CTTNBP2NL: variants seen among roughly 807,000 people sequenced by gnomAD.
CTTNBP2NL encodes the protein CTTNBP2 N-terminal like, also known as CTTNBP2 N-terminal-like protein.
A neutral mutation model predicts 32.5 loss-of-function variants in CTTNBP2NL; 16 were observed. The ratio of observed to expected loss-of-function variants is 0.49; its 90% confidence interval spans 0.33 to 0.75. CTTNBP2NL has a LOEUF of 0.75. CTTNBP2NL is among the 30% of genes least tolerant of loss of function. The pLI is 0.02. For missense variants in CTTNBP2NL, 645 were observed against 756.0 expected (o/e 0.85, Z 1.72); for synonymous variants, 298 against 289.4 (o/e 1.03, Z -0.30).
chr1:112,442,645 C>A (rs530371208), intron 3 of CTTNBP2NL, among the ~76,000 whole-genome samples: 1 of 152,014 alleles, frequency 6.6e-6, no homozygotes, highest in East Asian at 1.9e-4. Context: ...TTTCACAGGA[C>A]TCTGGAATTT....
chr1:112,414,136 TG>T (rs1171705905), intron 2 of CTTNBP2NL, among the ~76,000 whole-genome samples: 1 of 150,470 alleles, frequency 6.6e-6, no homozygotes, highest in Non-Finnish European at 1.5e-5. Flanking sequence ...GAGACTGAGG[TG>T]GGCGGATCAC....
In CTTNBP2NL at chr1:112,460,315, T is replaced by C. The variant is rs1650513644; in HGVS notation, c.*2903T>C. 1 of 152,172 alleles carries C rather than the reference T, an allele frequency of 6.6e-6. No individual in the cohort carries two copies. Among genetic ancestry groups the C allele is most frequent in the Non-Finnish European group, 1.5e-5 (1 of 68,022 alleles). The allele number at this position is 152,172 out of a possible 1,614,324, so 9.4% of individuals were successfully genotyped here. A position where few individuals can be genotyped will look rare whatever the true frequency, so the allele number is the denominator to read the frequency against. ...ATTTTGTTGGGAAGAGGGGGTGGTG[T>C]AGAGGGAGCACTTGACTGTGGCTTT... is the stretch of plus-strand genomic sequence containing the variant. On this transcript the variant is annotated 3_prime_UTR_variant, in exon 6 of 6. Coordinates refer to ENST00000271277, the MANE Select transcript of CTTNBP2NL (RefSeq NM_018704.3).
At chr1:112,417,588 A>G (rs1649103025) in intron 3 of CTTNBP2NL, among the ~76,000 whole-genome samples, 1 of 152,220 alleles carries the variant, frequency 6.6e-6, no homozygotes, top group Non-Finnish European at 1.5e-5. Context: ...ATAAGATACC[A>G]TTCAGAATCA....
At chr1:112,420,516 G>T (rs546152012) in intron 3 of CTTNBP2NL, among the ~76,000 whole-genome samples, 1 of 151,476 alleles carries the variant, frequency 6.6e-6, no homozygotes, top group East Asian at 2.0e-4. Context: ...GCCTAGGCTA[G>T]AGTGCAGTGG....
intron 2 of CTTNBP2NL, 47 bp from the exon 3 acceptor site, chr1:112,416,110 A>T (rs1649053554): frequency 2.0e-6 from 2 of 981,282 alleles, no homozygotes; most frequent in Middle Eastern, 2.1e-4. Flanking sequence ...AATTGTATCA[A>T]ATTAACTATG....
intron 3 of CTTNBP2NL, among the ~76,000 whole-genome samples, chr1:112,420,392 C>G (rs1649194300): frequency 6.6e-6 from 1 of 151,946 alleles, no homozygotes; most frequent in Non-Finnish European, 1.5e-5. Flanking sequence ...ATCTACCCAC[C>G]TCAGCCTCCC....
intron 1 of CTTNBP2NL, among the ~76,000 whole-genome samples, chr1:112,398,650 A>C (rs1648399624): frequency 6.6e-6 from 1 of 152,042 alleles, no homozygotes; most frequent in Non-Finnish European, 1.5e-5. Flanking sequence ...TTTCTTATAA[A>C]GAAATATCTG....
intron 3 of CTTNBP2NL, among the ~76,000 whole-genome samples, chr1:112,428,751 A>G (rs1649476172): frequency 6.6e-6 from 1 of 152,122 alleles, no homozygotes; most frequent in African/African-American, 2.4e-5. Context: ...ATACTATACC[A>G]TACTGTACTG....
chr1:112,449,270 T>C (rs1395730326), intron 4 of CTTNBP2NL, 98 bp downstream of exon 4: 4 of 670,800 alleles, frequency 6.0e-6, no homozygotes, highest in East Asian at 2.7e-5. Context: ...AGTAATTCAA[T>C]TGGGACATCT....
chr1:112,440,233 T>C (rs113960931), intron 3 of CTTNBP2NL, among the ~76,000 whole-genome samples: 64 of 152,348 alleles, frequency 4.2e-4, no homozygotes, highest in African/African-American at 1.5e-3. Flanking sequence ...CACAGAGATG[T>C]GTTGTGTTGT....
chr1:112,435,316 G>GTTT (rs1290451238), intron 3 of CTTNBP2NL, among the ~76,000 whole-genome samples: 1 of 151,866 alleles, frequency 6.6e-6, no homozygotes, highest in Non-Finnish European at 1.5e-5. Context: ...CTTTCTTTAT[G>GTTT]TTTATTATTA....
intron 3 of CTTNBP2NL, among the ~76,000 whole-genome samples, chr1:112,443,168 G>T (rs1649944474): frequency 1.3e-5 from 2 of 152,144 alleles, no homozygotes; most frequent in South Asian, 4.1e-4. Flanking sequence ...ATTTATGGTT[G>T]CAGGTTGACT....
intron 3 of CTTNBP2NL, among the ~76,000 whole-genome samples, chr1:112,430,202 T>A (rs1570731953): frequency 6.4e-5 from 3 of 46,856 alleles, no homozygotes; most frequent in Admixed American, 2.9e-4. Flanking sequence ...TTTTCTTTTC[T>A]TTTCTTTTCT....
intron 1 of CTTNBP2NL, among the ~76,000 whole-genome samples, chr1:112,398,670 G>C (rs1021100722): frequency 6.6e-6 from 1 of 152,020 alleles, no homozygotes; most frequent in Non-Finnish European, 1.5e-5. Flanking sequence ...GTGAGGCAGG[G>C]TGTGGTGGCT....
chr1:112,425,015 G>A (rs1570727983), intron 3 of CTTNBP2NL, among the ~76,000 whole-genome samples: 1 of 150,362 alleles, frequency 6.7e-6, no homozygotes, highest in East Asian at 2.0e-4. Context: ...AGAGAGATAG[G>A]AGCTCACTGT....
intron 1 of CTTNBP2NL, among the ~76,000 whole-genome samples, chr1:112,402,031 A>C (rs547330859): frequency 1.3e-5 from 2 of 152,332 alleles, no homozygotes; most frequent in South Asian, 4.1e-4. Context: ...CCTGACCGTG[A>C]GCTTCGGGAG....
intron 3 of CTTNBP2NL, among the ~76,000 whole-genome samples, chr1:112,417,897 G>A (rs1649112580): frequency 9.4e-6 from 1 of 106,256 alleles, no homozygotes; most frequent in African/African-American, 2.6e-5. Context: ...TGCATTATTT[G>A]TATCGTTTTT....
upstream of CTTNBP2NL, among the ~76,000 whole-genome samples, chr1:112,395,909 A>G (rs1272172967): frequency 6.6e-6 from 1 of 152,202 alleles, no homozygotes; most frequent in Non-Finnish European, 1.5e-5. Context: ...AGCACTAGTC[A>G]CGGTCCTGCC....
At chr1:112,446,684 G>A (rs982170714) in intron 3 of CTTNBP2NL, among the ~76,000 whole-genome samples, 10 of 152,110 alleles carry the variant, frequency 6.6e-5, no homozygotes, top group African/African-American at 2.4e-4. Context: ...CCAAGTAGCT[G>A]GGGCTACAGG....
Sources: gnomAD v4.1 joint callset for allele counts (sites outside exome capture counted in the v4.1 genomes callset) on GRCh38, gnomAD v4.1.1 for gene constraint, MANE v1.5 for transcripts, NCBI Gene and HGNC (gene_info 2026-07-23, HGNC 2026-07-21) for gene names.